Variants in CFTR observed in about 807,000 individuals in gnomAD.
CFTR encodes cystic fibrosis transmembrane conductance regulator.
In CFTR, 181 loss-of-function variants were observed where a neutral mutation model predicts 171.6. The ratio of observed to expected loss-of-function variants is 1.05; its 90% CI spans 0.93 to 1.19. CFTR has a LOEUF of 1.19. Among genes scored for constraint, CFTR ranks in the 50% most tolerant of loss-of-function variants. The pLI, the probability that CFTR is intolerant of heterozygous loss-of-function variation, is 0.00. For missense variants in CFTR, 1,968 were observed against 1,734.7 expected, an observed-to-expected ratio of 1.13 and a Z score of -2.39; for synonymous variants, 583 against 608.0, an observed-to-expected ratio of 0.96 and a Z score of 0.60.
At chr7:117,621,578 A>G (rs531800290) in intron 21 of CFTR, among the ~76,000 whole-genome samples, 1 of 152,338 alleles carries the variant, frequency 6.6e-6, no homozygotes, top group East Asian at 1.9e-4. Flanking sequence ...TGATACATAC[A>G]TAAATCTCTA....
chr7:117,621,406 C>T (rs1792578357), intron 21 of CFTR, among the ~76,000 whole-genome samples: 2 of 152,154 alleles, frequency 1.3e-5, no homozygotes, highest in South Asian at 4.1e-4. Flanking sequence ...CAACTCAACT[C>T]AGTCTTTGTA....
intron 1 of CFTR, among the ~76,000 whole-genome samples, chr7:117,496,969 G>A (rs1798250570): frequency 6.6e-6 from 1 of 151,018 alleles, no homozygotes; most frequent in South Asian, 2.1e-4. Flanking sequence ...TTTCTTGATG[G>A]TGTCCTTTGA....
At chr7:117,494,273 C>T (rs1013325669) in intron 1 of CFTR, among the ~76,000 whole-genome samples, 1 of 151,718 alleles carries the variant, frequency 6.6e-6, no homozygotes, top group African/African-American at 2.4e-5. Flanking sequence ...TGGGGAAAGT[C>T]GATTCAAGGC....
At chr7:117,651,745 A>G (rs192786705) in intron 23 of CFTR, among the ~76,000 whole-genome samples, 41 of 152,272 alleles carry the variant, frequency 2.7e-4, no homozygotes, top group African/African-American at 8.7e-4. Context: ...TGAAATTTCT[A>G]ACATGATCCT....
intron 9 of CFTR, among the ~76,000 whole-genome samples, chr7:117,542,918 T>C (rs1381585832): frequency 1.3e-5 from 2 of 152,224 alleles, no homozygotes; most frequent in Admixed American, 6.5e-5. Flanking sequence ...AGTTCCAGTC[T>C]AAAGTGCTTT....
At chr7:117,558,523 T>C (rs952291518) in intron 10 of CFTR, among the ~76,000 whole-genome samples, 11 of 151,108 alleles carry the variant, frequency 7.3e-5, no homozygotes, top group East Asian at 1.9e-4. Context: ...CACTGCACTC[T>C]AGCCTGGGTG....
intron 1 of CFTR, among the ~76,000 whole-genome samples, chr7:117,501,747 C>T (rs1244303856): frequency 4.6e-5 from 2 of 43,900 alleles, no homozygotes; most frequent in African/African-American, 1.3e-4. Context: ...AACTCTGTCT[C>T]AAAAAAAAAA....
chr7:117,520,243 C>T (rs1403665772), intron 3 of CFTR, among the ~76,000 whole-genome samples: 1 of 144,718 alleles, frequency 6.9e-6, no homozygotes, highest in Non-Finnish European at 1.5e-5. Flanking sequence ...TGTCAATTGC[C>T]TTGTAATTTT....
intron 24 of CFTR, among the ~76,000 whole-genome samples, chr7:117,653,773 G>A (rs571948600): frequency 1.4e-4 from 22 of 152,210 alleles, no homozygotes; most frequent in African/African-American, 5.3e-4. Flanking sequence ...TAAAGTCCAA[G>A]GTTTCATCTA....
At chr7:117,602,619 C>A (rs1170208129) in intron 15 of CFTR, among the ~76,000 whole-genome samples, 1 of 152,156 alleles carries the variant, frequency 6.6e-6, no homozygotes, top group East Asian at 1.9e-4. Context: ...ATTCCATTAA[C>A]TTAATGTGGT....
chr7:117,637,986 G>A (rs527744866), intron 22 of CFTR, among the ~76,000 whole-genome samples: 2 of 152,272 alleles, frequency 1.3e-5, no homozygotes, highest in South Asian at 2.1e-4. Context: ...ATTCATAAAA[G>A]TATAGAAGTC....
intron 5 of CFTR, 68 bp from the exon 6 acceptor site, chr7:117,535,180 T>C: frequency 6.5e-7 from 1 of 1,531,088 alleles, no homozygotes; most frequent in Non-Finnish European, 9.0e-7. Flanking sequence ...TTCTTTCATA[T>C]ATGATTGTTA....
chr7:117,664,399 G>C (rs1344066221), intron 24 of CFTR, among the ~76,000 whole-genome samples: 1 of 152,126 alleles, frequency 6.6e-6, no homozygotes, highest in Non-Finnish European at 1.5e-5. Flanking sequence ...CATGTGCCAC[G>C]TATTGTTTTC....
intron 8 of CFTR, among the ~76,000 whole-genome samples, chr7:117,541,484 A>G (rs1318188626): frequency 6.6e-6 from 1 of 152,152 alleles, no homozygotes; most frequent in Non-Finnish European, 1.5e-5. Context: ...TTATGCTCCT[A>G]CCTTCCCTAG....
intron 12 of CFTR, among the ~76,000 whole-genome samples, chr7:117,589,285 G>A (rs1462672336): frequency 1.3e-5 from 2 of 151,920 alleles, no homozygotes. Flanking sequence ...CTTGCATACT[G>A]TCTTCAAAAA....
intron 6 of CFTR, among the ~76,000 whole-genome samples, chr7:117,536,001 C>G (rs1200788392): frequency 6.6e-6 from 1 of 151,960 alleles, no homozygotes; most frequent in African/African-American, 2.4e-5. Context: ...AAAGGGAATA[C>G]CTAATTTTTG....
Position 117,603,567 on chromosome 7 carries a change from G to A in CFTR, c.2693G>A (p.Ser898Asn). ...CAAGACAAAGGGAATAGTACTCATA[G>A]TAGAAATAACAGCTATGCAGTGATT... ...PLQDKGNSTH[S>N]RNNSYAVIIT... Residue 898 changes from serine (S) to asparagine (N), a missense_variant, in exon 17 of 27, where the codon AGT becomes AAT. By Grantham distance (46) the Ser-to-Asn change is conservative. Coordinates refer to ENST00000003084, the MANE Select transcript of CFTR (RefSeq NM_000492.4). 1.9e-6 allele frequency: 3 copies of A among 1,613,944 alleles called. No individual in the cohort carries two copies. The highest frequency in any genetic ancestry group is 2.5e-6 in the Non-Finnish European group (3 of 1,179,886).
rs199765565 is a variant in CFTR at position 117,491,049 on chromosome 7, A to G, written c.53+10902A>G. On this transcript the variant is annotated intron_variant, in intron 1 of 26. Coordinates refer to ENST00000003084, the MANE Select transcript of CFTR (RefSeq NM_000492.4). ...TGTGAGAATACTATAGAGTATACCTACACAAGCCTAGATGTCGTATAGCCT... is the reference window on the plus strand; with the variant it reads ...TGTGAGAATACTATAGAGTATACCTGCACAAGCCTAGATGTCGTATAGCCT... 1.2e-4 allele frequency among the ~76,000 whole-genome samples: 19 copies of G among 152,236 alleles called. No individual in the cohort carries two copies. In the East Asian group the frequency reaches 3.3e-3, roughly 26 times the overall value.
chr7:117,490,305 C>G (rs1481569139), intron 1 of CFTR, among the ~76,000 whole-genome samples: 2 of 115,160 alleles, frequency 1.7e-5, no homozygotes, highest in Non-Finnish European at 3.5e-5. Context: ...AGAAGTAGAA[C>G]CAATGATACA....
Sources: allele counts gnomAD v4.1 joint callset (sites outside exome capture counted in the v4.1 genomes callset), GRCh38; gene constraint gnomAD v4.1.1; transcripts MANE v1.5; gene names NCBI Gene and HGNC (gene_info 2026-07-23, HGNC 2026-07-21).